NPSR1: variants seen among roughly 807,000 people sequenced by gnomAD.
NPSR1 encodes the protein neuropeptide S receptor.
A neutral mutation model predicts 46.9 loss-of-function variants in NPSR1; 48 were observed. That is an observed-to-expected ratio of 1.02 (90% confidence interval 0.81 to 1.30). The LOEUF is 1.30. NPSR1 is among the 50% of genes most tolerant of loss of function. The pLI, the probability that NPSR1 is intolerant of heterozygous loss-of-function variation, is 0.00. For missense variants in NPSR1, 450 were observed against 449.5 expected (o/e 1.00, Z -0.01); for synonymous variants, 176 against 168.1 (o/e 1.05, Z -0.36).
intron 2 of NPSR1, among the ~76,000 whole-genome samples, chr7:34,687,073 CCT>C (rs144745044): frequency 0.033 from 4,989 of 150,932 alleles, 128 homozygotes; most frequent in Non-Finnish European, 0.049. Flanking sequence ...TTAATACTTT[CCT>C]CTGTTTTTGT....
chr7:34,759,800 CA>C (rs1354868180), intron 2 of NPSR1, among the ~76,000 whole-genome samples: 2 of 152,198 alleles, frequency 1.3e-5, no homozygotes, highest in Non-Finnish European at 2.9e-5. Context: ...GGAGTTATCA[CA>C]AAGACTGGGG....
At chr7:34,840,542 G>A (rs1790524880) in intron 6 of NPSR1, among the ~76,000 whole-genome samples, 1 of 152,220 alleles carries the variant, frequency 6.6e-6, no homozygotes, top group Non-Finnish European at 1.5e-5. Flanking sequence ...CCCGGGAAGA[G>A]CAGCAGTGCT....
chr7:34,692,974 G>A (rs1459981626), intron 2 of NPSR1, among the ~76,000 whole-genome samples: 1 of 152,134 alleles, frequency 6.6e-6, no homozygotes, highest in Admixed American at 6.5e-5. Flanking sequence ...ATATCATGGA[G>A]GCAGATTTCT....
At chr7:34,781,610 C>T (rs554831080) in intron 3 of NPSR1, among the ~76,000 whole-genome samples, 1 of 152,284 alleles carries the variant, frequency 6.6e-6, no homozygotes, top group Admixed American at 6.5e-5. Flanking sequence ...AACAGTCATT[C>T]CTGCAAGAGA....
chr7:34,829,339 T>A (rs533303256), intron 5 of NPSR1, among the ~76,000 whole-genome samples: 2 of 152,318 alleles, frequency 1.3e-5, no homozygotes, highest in Admixed American at 1.3e-4. Flanking sequence ...CACTTTATTT[T>A]GACTTATTGC....
intron 2 of NPSR1, among the ~76,000 whole-genome samples, chr7:34,749,712 T>C (rs1785410267): frequency 6.6e-6 from 1 of 152,228 alleles, no homozygotes; most frequent in Non-Finnish European, 1.5e-5. Flanking sequence ...TTGGCCCTGA[T>C]TATTGTAATA....
At chr7:34,855,109 A>G (rs1244809211) in intron 8 of NPSR1, among the ~76,000 whole-genome samples, 2 of 152,218 alleles carry the variant, frequency 1.3e-5, no homozygotes, top group Admixed American at 6.5e-5. Flanking sequence ...AGTATTATGT[A>G]TTAAATGTAT....
chr7:34,836,908 AGT>A (rs950317781), intron 6 of NPSR1, among the ~76,000 whole-genome samples: 4 of 152,240 alleles, frequency 2.6e-5, no homozygotes, highest in African/African-American at 9.6e-5. Flanking sequence ...TATTATAGAG[AGT>A]GTACTTATTG....
chr7:34,731,305 A>C (rs17169992), intron 2 of NPSR1, among the ~76,000 whole-genome samples: 25,327 of 152,162 alleles, frequency 0.17, 2,343 homozygotes, highest in East Asian at 0.34. Context: ...TACACACAAA[A>C]TGCAATTCAC....
intron 2 of NPSR1, among the ~76,000 whole-genome samples, chr7:34,763,072 A>G (rs1207149995): frequency 6.6e-6 from 1 of 152,142 alleles, no homozygotes; most frequent in Non-Finnish European, 1.5e-5. Context: ...ATTGGACAAC[A>G]TTTCTTCCTT....
chr7:34,807,260 T>C (rs1298522370), intron 3 of NPSR1, among the ~76,000 whole-genome samples: 3 of 152,194 alleles, frequency 2.0e-5, no homozygotes. Context: ...GAGGGTTTTT[T>C]TTCTTGGTAG....
At chr7:34,704,282 T>C (rs1793993619) in intron 2 of NPSR1, 1 of 152,324 alleles carries the variant, frequency 6.6e-6, no homozygotes, top group South Asian at 2.1e-4. Flanking sequence ...TTTTCTGAAT[T>C]CATACAATTT....
At chr7:34,798,745 T>C (rs1195412156) in intron 3 of NPSR1, among the ~76,000 whole-genome samples, 1 of 152,024 alleles carries the variant, frequency 6.6e-6, no homozygotes, top group African/African-American at 2.4e-5. Flanking sequence ...ATTTTAACAA[T>C]GTAAAAAAAT....
Position 34,784,569 on chromosome 7 carries a change from T to G in NPSR1, c.384+6004T>G, listed in dbSNP as rs324991. On this transcript the variant is annotated intron_variant, in intron 3 of 8. Transcript: ENST00000360581. ...ATGGTGGATAAGCTTTTTGATGTGCTGCTGGATTCGGTTTGCCAGTATTTT... is the reference window on the plus strand; with the variant it reads ...ATGGTGGATAAGCTTTTTGATGTGCGGCTGGATTCGGTTTGCCAGTATTTT... Among the ~76,000 whole-genome samples, 1,310 of 152,334 alleles carry G rather than the reference T, an allele frequency of 8.6e-3. 17 individuals are homozygous for G. The highest frequency in any genetic ancestry group is 0.03 in the African/African-American group (1,265 of 41,570).
intron 1 of NPSR1, among the ~76,000 whole-genome samples, chr7:34,671,772 T>A (rs1450675698): frequency 6.6e-6 from 1 of 152,190 alleles, no homozygotes; most frequent in Admixed American, 6.5e-5. Context: ...GATGTTCAAA[T>A]CCATTCCCTG....
At chr7:34,749,466 T>A (rs1454959129) in intron 2 of NPSR1, among the ~76,000 whole-genome samples, 1 of 152,222 alleles carries the variant, frequency 6.6e-6, no homozygotes, top group Non-Finnish European at 1.5e-5. Context: ...AAAGTAAGTA[T>A]ACCCACCCTA....
At chr7:34,845,930 G>C (rs963418671) in intron 7 of NPSR1, among the ~76,000 whole-genome samples, 2 of 152,122 alleles carry the variant, frequency 1.3e-5, no homozygotes, top group African/African-American at 2.4e-5. Context: ...AAGCTCCAAG[G>C]AAGTATAGAT....
At chr7:34,870,311 C>T (rs919922986) in intron 8 of NPSR1, among the ~76,000 whole-genome samples, 12 of 151,762 alleles carry the variant, frequency 7.9e-5, no homozygotes, top group African/African-American at 2.4e-4. Context: ...TGGTACAGTG[C>T]CTGGCCCAGT....
At chr7:34,674,518 G>A (rs1319470119) in intron 1 of NPSR1, among the ~76,000 whole-genome samples, 1 of 152,200 alleles carries the variant, frequency 6.6e-6, no homozygotes. Flanking sequence ...ACAAGTCTCA[G>A]GGACAGGGCA....
Sources: allele counts gnomAD v4.1 joint callset (sites outside exome capture counted in the v4.1 genomes callset), GRCh38; gene constraint gnomAD v4.1.1; transcripts MANE v1.5; gene names NCBI Gene and HGNC (gene_info 2026-07-23, HGNC 2026-07-21).